BEND7: variants seen among roughly 807,000 people sequenced by gnomAD.
BEND7 encodes the protein BEN domain containing 7.
BEND7 carries 28 observed loss-of-function variants against 50.9 expected under a neutral mutation model. The ratio of observed to expected loss-of-function variants is 0.55; its 90% CI spans 0.41 to 0.75. The LOEUF (loss-of-function observed/expected upper bound fraction) is 0.75. Ranked by LOEUF, BEND7 falls within the 30% of genes least tolerant of loss-of-function variation. The probability of loss-of-function intolerance (pLI) is 0.00; values close to 1 mark genes in which losing one functional copy is unlikely to be tolerated. For missense variants in BEND7, 477 were observed against 491.3 expected, an observed-to-expected ratio of 0.97 and a Z score of 0.28; for synonymous variants, 170 against 183.9, an observed-to-expected ratio of 0.92 and a Z score of 0.61.
chr10:13,493,922 T>C (rs2132046592), intron 4 of BEND7, among the ~76,000 whole-genome samples: 1 of 152,356 alleles, frequency 6.6e-6, no homozygotes, highest in East Asian at 1.9e-4. Flanking sequence ...AATCACCTCC[T>C]CTTACCTCTT....
In BEND7 at chr10:13,504,707, G is replaced by A. The variant is rs77884562; in HGVS notation, c.146-4627C>T. Reference sequence around the variant, plus strand: ...ATTTTTCCTGATCTCTTTCCAAGACGCTGAATCCTTTTCAGAAAAACAAAC... The same window carrying A: ...ATTTTTCCTGATCTCTTTCCAAGACACTGAATCCTTTTCAGAAAAACAAAC... On this transcript the variant is annotated intron_variant, in intron 2 of 8. Transcript: ENST00000466271. Among the ~76,000 whole-genome samples, 741 of 152,286 alleles carry A rather than the reference G, an allele frequency of 4.9e-3. 14 individuals carry two copies. In the South Asian group the frequency reaches 0.072, roughly 15 times the overall value.
chr10:13,488,621 G>A (rs1197709125), intron 5 of BEND7, among the ~76,000 whole-genome samples: 1 of 152,158 alleles, frequency 6.6e-6, no homozygotes, highest in Non-Finnish European at 1.5e-5. Context: ...CCAAGTAGCT[G>A]GGATTACAGG....
intron 7 of BEND7, among the ~76,000 whole-genome samples, chr10:13,450,943 G>A (rs1002844799): frequency 5.9e-5 from 9 of 152,030 alleles, no homozygotes; most frequent in African/African-American, 1.9e-4. Flanking sequence ...GGGATGTGGC[G>A]GCACATCCCT....
intron 2 of BEND7, among the ~76,000 whole-genome samples, chr10:13,522,344 C>G (rs1056668249): frequency 6.6e-6 from 1 of 152,360 alleles, no homozygotes; most frequent in East Asian, 1.9e-4. Flanking sequence ...TGAGCCTTGG[C>G]TTTGCCTGGC....
rs2079574127 is a variant in BEND7, at chr10:13,528,790, C to T, written c.-257G>A. On this transcript the variant is annotated 5_prime_UTR_variant, in exon 1 of 9. Coordinates refer to ENST00000466271, the MANE Select transcript of BEND7 (RefSeq NM_001369863.1). The stretch of plus-strand genomic sequence containing the variant: ...CCCGCGCGGCGCCGCCTCCCGGTGC[C>T]CTAGGCGCCCCCGCGGCCCCCGCTC... 1 of 145,402 alleles carries T rather than the reference C, an allele frequency of 6.9e-6. No individual in the cohort carries two copies. 9.0% of individuals were successfully genotyped at this position (145,402 alleles called of 1,614,324 possible).
chr10:13,506,189 T>C (rs1209235110), intron 2 of BEND7, among the ~76,000 whole-genome samples: 1 of 151,614 alleles, frequency 6.6e-6, no homozygotes, highest in African/African-American at 2.4e-5. Context: ...CTCTACTTGG[T>C]AAACTGCCCC....
rs925363967 is a variant in BEND7 at position 13,528,954 on chromosome 10, CGCG to C, written c.-424_-422del. The C allele has an allele frequency of 2.0e-4, 28 of 138,428 alleles. No individual in the cohort carries two copies. The highest frequency in any genetic ancestry group is 1.4e-3 in the South Asian group (7 of 4,956). 8.6% of individuals were successfully genotyped at this position (138,428 alleles called of 1,614,324 possible). A position where few individuals can be genotyped will look rare whatever the true frequency, so the allele number is the denominator to read the frequency against. On this transcript the variant is annotated 5_prime_UTR_variant, in exon 1 of 9. Coordinates refer to ENST00000466271, the MANE Select transcript of BEND7 (RefSeq NM_001369863.1). ...GGCCCGCCTGGGCTCAGCCTGCGGT[CGCG>C]GCGGCGGCGGCGGCGGCCCCGAAGA...
rs1268876473 is a variant in BEND7, at chr10:13,451,364, AT to A, written c.1183+1174del. 4.0e-5 allele frequency among the ~76,000 whole-genome samples: 6 copies of A among 148,370 alleles called. No individual in the cohort carries two copies. The East Asian group carries it at 9.9e-4, about 24-fold the overall frequency. On this transcript the variant is annotated intron_variant, in intron 7 of 8. Transcript: ENST00000466271. ...CCATCTTGCTTGGCTAATTTTTAAG[AT>A]TTTTTTCTTTTTTTTTGGTGTGTGT...
chr10:13,498,678 C>T (rs919186768), intron 3 of BEND7, among the ~76,000 whole-genome samples: 9 of 152,202 alleles, frequency 5.9e-5, no homozygotes, highest in South Asian at 2.1e-4. Flanking sequence ...ACAAAACCAA[C>T]CCTTTTCAGC....
At chr10:13,474,679 C>A (rs765412084) in intron 6 of BEND7, among the ~76,000 whole-genome samples, 2 of 152,196 alleles carry the variant, frequency 1.3e-5, no homozygotes, top group Non-Finnish European at 2.9e-5. Context: ...CGGTCGATAT[C>A]CGTCATCAGT....
intron 6 of BEND7, among the ~76,000 whole-genome samples, chr10:13,465,164 C>T (rs1398678937): frequency 2.0e-5 from 3 of 152,146 alleles, no homozygotes; most frequent in Non-Finnish European, 4.4e-5. Context: ...TTTTTTCTCT[C>T]GTCTGTTACT....
intron 6 of BEND7, among the ~76,000 whole-genome samples, chr10:13,469,429 G>A (rs1199629535): frequency 6.6e-6 from 1 of 152,182 alleles, no homozygotes; most frequent in Non-Finnish European, 1.5e-5. Flanking sequence ...ATGTCTGACA[G>A]GCAGCCAAAA....
intron 6 of BEND7, among the ~76,000 whole-genome samples, chr10:13,470,394 CAT>C (rs1166299048): frequency 2.6e-5 from 4 of 152,224 alleles, no homozygotes; most frequent in Admixed American, 2.0e-4. Context: ...GCTCCAGAAA[CAT>C]ATCTCTTTTG....
At chr10:13,524,738 C>T (rs1275213098) in intron 2 of BEND7, among the ~76,000 whole-genome samples, 3 of 151,442 alleles carry the variant, frequency 2.0e-5, no homozygotes, top group Non-Finnish European at 4.4e-5. Context: ...TGGGCCACAG[C>T]ATTTCACTTG....
In BEND7 at chr10:13,496,778, G is replaced by C. The variant is rs1441905547; in HGVS notation, c.559C>G (p.Gln187Glu). ...QELKTMRKLM[Q>E]IQAVGTQNRQ... ...CTGATCCTTGTACCTGCTTGAATTT[G>C]CATTAATTTCCTCATGGTCTTGAGT... Residue 187 changes from glutamine to glutamate, a missense_variant, in exon 4 of 9, where the codon CAA becomes GAA. Gln to Glu is a conservative substitution (Grantham distance 29). Coordinates refer to ENST00000466271, the MANE Select transcript of BEND7 (RefSeq NM_001369863.1). 9.3e-6 allele frequency: 15 copies of C among 1,613,416 alleles called. No individual in the cohort carries two copies. Among genetic ancestry groups the C allele is most frequent in the East Asian group, 2.2e-5 (1 of 44,864 alleles).
intron 6 of BEND7, among the ~76,000 whole-genome samples, chr10:13,469,444 T>C (rs2074582739): frequency 6.6e-6 from 1 of 152,178 alleles, no homozygotes; most frequent in South Asian, 2.1e-4. Flanking sequence ...CCAAAATCGA[T>C]TACAGCTTTC....
At chr10:13,457,176 A>G (rs1839165202) in intron 6 of BEND7, among the ~76,000 whole-genome samples, 1 of 152,224 alleles carries the variant, frequency 6.6e-6, no homozygotes, top group South Asian at 2.1e-4. Context: ...AGCACACATT[A>G]GAAAGTCATG....
chr10:13,447,437 C>G, intron 7 of BEND7, 121 bp from the exon 8 acceptor site: 1 of 876,992 alleles, frequency 1.1e-6, no homozygotes, highest in East Asian at 2.7e-5. Flanking sequence ...CCATTCTTTT[C>G]TGTTTTCAGC....
At chr10:13,460,478 T>C (rs2131262473) in intron 6 of BEND7, among the ~76,000 whole-genome samples, 1 of 152,354 alleles carries the variant, frequency 6.6e-6, no homozygotes, top group Middle Eastern at 3.4e-3. Flanking sequence ...TTGCCCAGGC[T>C]GGCCTTGGAC....
Sources: allele counts gnomAD v4.1 joint callset (sites outside exome capture counted in the v4.1 genomes callset), GRCh38; gene constraint gnomAD v4.1.1; transcripts MANE v1.5; gene names NCBI Gene and HGNC (gene_info 2026-07-23, HGNC 2026-07-21).